CWH43: variants seen among roughly 807,000 people sequenced by gnomAD.
CWH43 encodes the protein PGAP2-interacting protein.
In CWH43, 91 loss-of-function variants were observed where a neutral mutation model predicts 85.7. The observed-to-expected ratio is 1.06, with a 90% CI of 0.90 to 1.26. The LOEUF (loss-of-function observed/expected upper bound fraction) is 1.26, where lower values mean the gene tolerates loss of function less well. CWH43 is among the 50% of genes most tolerant of loss of function. The pLI is 0.00. For missense variants in CWH43, 869 were observed against 839.2 expected (o/e 1.04, Z -0.44); for synonymous variants, 323 against 293.6 (o/e 1.10, Z -1.02).
chr4:49,050,946 C>T, intron 15 of CWH43, 97 bp downstream of exon 15: 3 of 926,356 alleles, frequency 3.2e-6, no homozygotes, highest in Non-Finnish European at 4.7e-6. Context: ...TATATTTTGT[C>T]CTAGAGGTTT....
chr4:49,046,938 C>G (rs1035515721), intron 14 of CWH43, among the ~76,000 whole-genome samples: 3 of 152,144 alleles, frequency 2.0e-5, no homozygotes, highest in East Asian at 3.9e-4. Context: ...GACCTGAGCC[C>G]TCTAACTGCC....
intron 14 of CWH43, among the ~76,000 whole-genome samples, chr4:49,049,521 A>G (rs1450874902): frequency 7.0e-6 from 1 of 143,618 alleles, no homozygotes; most frequent in Admixed American, 7.0e-5. Context: ...ATCTCACTCT[A>G]AAAAAAAAAA....
At chr4:48,990,331 C>T (rs573775044) in intron 2 of CWH43, among the ~76,000 whole-genome samples, 192 of 152,256 alleles carry the variant, frequency 1.3e-3, no homozygotes, top group African/African-American at 3.8e-3. Context: ...CCAATCTCTG[C>T]TAAGTGCTGT....
chr4:49,008,323 G>C (rs1231039581), intron 8 of CWH43, among the ~76,000 whole-genome samples: 1 of 147,314 alleles, frequency 6.8e-6, no homozygotes, highest in African/African-American at 2.5e-5. Flanking sequence ...GGAGTCGTTT[G>C]TTTTTTTTTT....
chr4:49,050,985 A>T (rs914952052), intron 15 of CWH43, 136 bp downstream of exon 15: 1 of 601,164 alleles, frequency 1.7e-6, no homozygotes, highest in African/African-American at 1.9e-5. Flanking sequence ...TGTGACAAAG[A>T]TGATAAAATC....
chr4:49,013,921 A>G (rs1198286431), intron 8 of CWH43, among the ~76,000 whole-genome samples: 7 of 152,346 alleles, frequency 4.6e-5, no homozygotes, highest in Admixed American at 3.3e-4. Context: ...ATAAAAATGT[A>G]CTGAATGTAT....
chr4:49,000,529 T>C (rs574494511), intron 6 of CWH43, among the ~76,000 whole-genome samples: 8 of 152,334 alleles, frequency 5.3e-5, no homozygotes, highest in African/African-American at 1.9e-4. Context: ...GAGTTTGCAT[T>C]AAGCATATAC....
intron 12 of CWH43, among the ~76,000 whole-genome samples, chr4:49,032,984 G>A (rs1784148195): frequency 6.6e-6 from 1 of 152,058 alleles, no homozygotes; most frequent in South Asian, 2.1e-4. Context: ...GTGCATTACT[G>A]TGTTTGCTCT....
chr4:49,034,524 A>C (rs990182476), intron 12 of CWH43, among the ~76,000 whole-genome samples: 1 of 152,208 alleles, frequency 6.6e-6, no homozygotes, highest in African/African-American at 2.4e-5. Flanking sequence ...CCACCTACTT[A>C]AAGCTCTCTG....
Position 49,028,726 on chromosome 4 carries a change from A to G in CWH43, c.1364A>G (p.Asn455Ser), listed in dbSNP as rs1349057717. 16 of 1,600,784 alleles carry G rather than the reference A, an allele frequency of 1.0e-5. No homozygotes were observed. Among genetic ancestry groups the G allele is most frequent in the Non-Finnish European group, 1.4e-5 (16 of 1,169,244 alleles). ...SSLERSAHLL[N>S]ETGADFITIL... ...CTAGAAAGATCAGCTCACCTGCTCAATGAAACAGGTAAGTCTTCCTGGAAT... is the reference window on the plus strand; with the variant it reads ...CTAGAAAGATCAGCTCACCTGCTCAGTGAAACAGGTAAGTCTTCCTGGAAT... Residue 455 changes from asparagine (N) to serine (S), a missense_variant, in exon 10 of 16, where the codon AAT becomes AGT. Physicochemically the swap from Asn to Ser is conservative, Grantham distance 46 (BLOSUM62 1). Coordinates refer to ENST00000226432, the MANE Select transcript of CWH43 (RefSeq NM_025087.3).
intron 15 of CWH43, among the ~76,000 whole-genome samples, chr4:49,053,551 T>C (rs1220685194): frequency 6.6e-6 from 1 of 152,172 alleles, no homozygotes; most frequent in Non-Finnish European, 1.5e-5. Context: ...GTGATGAGCA[T>C]TTCTTCACAT....
intron 15 of CWH43, among the ~76,000 whole-genome samples, chr4:49,054,454 T>A (rs1413783240): frequency 6.6e-6 from 1 of 152,162 alleles, no homozygotes; most frequent in Non-Finnish European, 1.5e-5. Flanking sequence ...GCCTCCAGCT[T>A]TGTTCTTTTT....
chr4:49,055,724 C>T (rs373021952), intron 15 of CWH43, among the ~76,000 whole-genome samples: 2 of 151,618 alleles, frequency 1.3e-5, no homozygotes, highest in East Asian at 2.0e-4. Flanking sequence ...TGAGTAGCTG[C>T]GATTATAGGC....
At position 49,011,939 on chromosome 4, in the gene CWH43, C is replaced by T. The variant is rs1577671051; in HGVS notation, c.1186+4613C>T. Reference sequence around the variant, plus strand: ...TTTATTTCAACCTTGGTGAATCTGACAGTCATGTGTCTTGGGGTTGCTCTT... The same window carrying T: ...TTTATTTCAACCTTGGTGAATCTGATAGTCATGTGTCTTGGGGTTGCTCTT... On this transcript the variant is annotated intron_variant, in intron 8 of 15. Transcript: ENST00000226432. Among the ~76,000 whole-genome samples, 3 of 152,140 alleles carry T rather than the reference C, an allele frequency of 2.0e-5. No homozygotes were observed. In the East Asian group the frequency reaches 5.8e-4, roughly 29 times the overall value.
At chr4:49,054,391 A>G (rs1784891056) in intron 15 of CWH43, among the ~76,000 whole-genome samples, 1 of 152,030 alleles carries the variant, frequency 6.6e-6, no homozygotes, top group Non-Finnish European at 1.5e-5. Flanking sequence ...CCAGTACCAT[A>G]CTGTTTTAAT....
At chr4:49,014,111 A>G (rs1783454928) in intron 8 of CWH43, among the ~76,000 whole-genome samples, 1 of 152,192 alleles carries the variant, frequency 6.6e-6, no homozygotes, top group Non-Finnish European at 1.5e-5. Flanking sequence ...AATATCACAA[A>G]ACAGACCATT....
intron 14 of CWH43, among the ~76,000 whole-genome samples, chr4:49,048,116 A>G (rs988446901): frequency 6.6e-6 from 1 of 152,208 alleles, no homozygotes; most frequent in Non-Finnish European, 1.5e-5. Flanking sequence ...GAAATTCTAG[A>G]AAACGACTTT....
chr4:49,054,808 G>A (rs1465723203), intron 15 of CWH43, among the ~76,000 whole-genome samples: 1 of 151,762 alleles, frequency 6.6e-6, no homozygotes, highest in Non-Finnish European at 1.5e-5. Flanking sequence ...TAGTTCATTG[G>A]TAGTACATAG....
intron 13 of CWH43, among the ~76,000 whole-genome samples, chr4:49,039,723 C>CT (rs1298194457): frequency 2.3e-4 from 35 of 149,650 alleles, no homozygotes; most frequent in Admixed American, 5.3e-4. Flanking sequence ...GAGTGTATTT[C>CT]TTTTTTTTTC....
Sources: gnomAD v4.1 joint callset for allele counts (sites outside exome capture counted in the v4.1 genomes callset) on GRCh38, gnomAD v4.1.1 for gene constraint, MANE v1.5 for transcripts, NCBI Gene and HGNC (gene_info 2026-07-23, HGNC 2026-07-21) for gene names.